The following SARDH variants were observed in gnomAD, a reference collection of about 807,000 sequenced individuals.
SARDH encodes sarcosine dehydrogenase, mitochondrial.
In SARDH, 95 loss-of-function variants were observed where a neutral mutation model predicts 109.1. The observed-to-expected ratio is 0.87, with a 90% CI of 0.74 to 1.03. The LOEUF is 1.03. Among genes scored for constraint, SARDH ranks in the 50% least tolerant of loss-of-function variants. SARDH has a pLI of 0.00. For synonymous variants in SARDH, 572 were observed against 534.8 expected, an observed-to-expected ratio of 1.07 and a Z score of -0.96; for missense variants, 1,267 against 1,287.8, an observed-to-expected ratio of 0.98 and a Z score of 0.25.
downstream of SARDH, among the ~76,000 whole-genome samples, chr9:133,660,056 A>ACCCCCACCTCAC (rs2131300118): frequency 1.4e-5 from 1 of 69,168 alleles, no homozygotes; most frequent in East Asian, 5.4e-4. Context: ...CGACAACCCC[A>ACCCCCACCTCAC]CCCCCACCTC....
intron 17 of SARDH, among the ~76,000 whole-genome samples, chr9:133,680,132 C>G (rs1830646963): frequency 6.6e-6 from 1 of 152,240 alleles, no homozygotes. Context: ...TTCAGAGAAT[C>G]CAGAGTGTCT....
At chr9:133,739,516 A>C (rs1398024940), upstream of SARDH, among the ~76,000 whole-genome samples, 1 of 152,120 alleles carries the variant, frequency 6.6e-6, no homozygotes, top group African/African-American at 2.4e-5. Flanking sequence ...ACGACACCAC[A>C]AGGCTGGCTT....
intron 19 of SARDH, chr9:133,667,151 A>T: frequency 2.0e-6 from 1 of 488,450 alleles, no homozygotes; most frequent in Non-Finnish European, 3.6e-6. Flanking sequence ...TATATTTGGG[A>T]GGGCCCCTGC....
chr9:133,738,095 C>T (rs552117553), intron 1 of SARDH, among the ~76,000 whole-genome samples, 159 bp downstream of exon 1: 251 of 152,268 alleles, frequency 1.6e-3, no homozygotes, highest in Non-Finnish European at 2.9e-3. Context: ...GGCGGGGAGG[C>T]AGCTGCCCAT....
Position 133,666,799 on chromosome 9 carries a change from T to A in SARDH, c.2567A>T (p.Asp856Val), listed in dbSNP as rs1012822652. Residue 856 changes from aspartate to valine, a missense_variant, in exon 20 of 21, where the codon GAC becomes GTC. Asp to Val is a radical substitution (Grantham distance 152). Transcript: ENST00000439388. The surrounding 1 kb of genome is among the most constrained non-coding windows in gnomAD (Gnocchi z 5.2). ...GQVVGHVRRA[D>V]FGFAIDKTIA... ...GGTCTTGTCGATGGCGAACCCAAAG[T>A]CAGCCCTCCGGACATGGCCCACCAC... 1 of 1,606,862 alleles carries A rather than the reference T, an allele frequency of 6.2e-7. No individual in the cohort carries two copies.
chr9:133,725,410 C>T (rs1378851694), intron 6 of SARDH: 1 of 306,416 alleles, frequency 3.3e-6, no homozygotes, highest in Non-Finnish European at 6.5e-6. Flanking sequence ...TGGTGGCTCA[C>T]GCCTGTAATC....
chr9:133,739,223 C>T (rs561662644), upstream of SARDH, among the ~76,000 whole-genome samples: 6 of 152,312 alleles, frequency 3.9e-5, no homozygotes, highest in Admixed American at 1.3e-4. Flanking sequence ...GGATCAAAGA[C>T]GGGGCATTTC....
At chr9:133,664,968 G>A (rs1009981594) in intron 20 of SARDH, among the ~76,000 whole-genome samples, 3 of 152,126 alleles carry the variant, frequency 2.0e-5, no homozygotes, top group Non-Finnish European at 2.9e-5. Flanking sequence ...TCCCCATCTC[G>A]GAGCCTTTCC....
intron 18 of SARDH, among the ~76,000 whole-genome samples, 180 bp from the exon 19 acceptor site, chr9:133,670,932 C>T (rs540190816): frequency 2.0e-5 from 3 of 152,210 alleles, no homozygotes; most frequent in South Asian, 2.1e-4. Context: ...CTGGGGCGAC[C>T]GCTCCCCCGA....
At chr9:133,722,642 G>GCTCTCTCTCTCTCTCT (rs56179331) in intron 6 of SARDH, among the ~76,000 whole-genome samples, 110 of 145,816 alleles carry the variant, frequency 7.5e-4, no homozygotes, top group South Asian at 3.1e-3. Flanking sequence ...AACTACTAGC[G>GCTCTCTCTCTCTCTCT]CTCTCTCTCT....
At chr9:133,717,052 G>T (rs1260199539) in intron 8 of SARDH, among the ~76,000 whole-genome samples, 1 of 152,212 alleles carries the variant, frequency 6.6e-6, no homozygotes, top group Admixed American at 6.5e-5. Flanking sequence ...CCCAGGTGGG[G>T]AAGCCAGGAC....
intron 15 of SARDH, among the ~76,000 whole-genome samples, chr9:133,691,215 C>T (rs150541419): frequency 0.014 from 2,096 of 145,550 alleles, 18 homozygotes; most frequent in Non-Finnish European, 0.022. Flanking sequence ...CACACACACA[C>T]GGCCACTCTC....
At chr9:133,670,861 T>G (rs1483128656) in intron 18 of SARDH, 109 bp from the exon 19 acceptor site, 14 of 1,385,290 alleles carry the variant, frequency 1.0e-5, no homozygotes, top group Middle Eastern at 2.3e-4. Context: ...CTAGCCACAC[T>G]CTCAGAGCTG....
intron 10 of SARDH, among the ~76,000 whole-genome samples, chr9:133,710,185 C>T (rs751352484): frequency 1.3e-5 from 2 of 152,338 alleles, no homozygotes; most frequent in Admixed American, 6.5e-5. Flanking sequence ...CTGGGCCAAG[C>T]GTCCACACGC....
At chr9:133,699,621 G>A (rs540244663) in intron 13 of SARDH, among the ~76,000 whole-genome samples, 1 of 152,280 alleles carries the variant, frequency 6.6e-6, no homozygotes, top group East Asian at 1.9e-4. Context: ...CCATGAAAAT[G>A]TGCTCAACAT....
chr9:133,691,528 G>A (rs1358085448), intron 15 of SARDH, among the ~76,000 whole-genome samples: 1 of 152,198 alleles, frequency 6.6e-6, no homozygotes, highest in Non-Finnish European at 1.5e-5. Flanking sequence ...GCTGTGGGCT[G>A]TGCAGCTGAT....
In SARDH at chr9:133,685,183, T is replaced by A. The variant is rs1237853664; in HGVS notation, c.2163+10A>T. The stretch of plus-strand genomic sequence containing the variant: ...CCACGACCCAGAGGACGTGGCCAGC[T>A]GGAACCTACCAGGTGCCCTGCGGCT... On this transcript the variant is annotated intron_variant, in intron 17 of 20. Transcript: ENST00000439388. The A allele has an allele frequency of 6.2e-7, 1 of 1,613,030 alleles. No homozygotes were observed. Among genetic ancestry groups the A allele is most frequent in the African/African-American group, 1.3e-5 (1 of 74,890 alleles).
chr9:133,688,980 C>T (rs1381869689), intron 16 of SARDH, among the ~76,000 whole-genome samples: 5 of 152,196 alleles, frequency 3.3e-5, no homozygotes, highest in East Asian at 1.9e-4. Context: ...AGCAACAGCT[C>T]GGTCCCTTGC....
At chr9:133,673,721 G>A (rs972751205) in intron 17 of SARDH, among the ~76,000 whole-genome samples, 3 of 152,212 alleles carry the variant, frequency 2.0e-5, no homozygotes, top group Non-Finnish European at 4.4e-5. Context: ...CCTTGTCAAC[G>A]GGGTTCTAAT....
Sources: allele counts gnomAD v4.1 joint callset (sites outside exome capture counted in the v4.1 genomes callset), GRCh38; gene constraint gnomAD v4.1.1; non-coding constraint Gnocchi (gnomAD v3.1); transcripts MANE v1.5; gene names NCBI Gene and HGNC (gene_info 2026-07-23, HGNC 2026-07-21).